Variants in JADE3 observed in about 807,000 individuals in gnomAD.
The protein encoded by JADE3 is jade family PHD finger 3.
A neutral mutation model predicts 50.1 loss-of-function variants in JADE3; 2 were observed. That is an observed-to-expected ratio of 0.04 (90% CI 0.02 to 0.13). The LOEUF (loss-of-function observed/expected upper bound fraction) is 0.13. Ranked by LOEUF, JADE3 falls within the 10% of genes least tolerant of loss-of-function variation. The pLI is 1.00. For synonymous variants in JADE3, 218 were observed against 232.9 expected (o/e 0.94, Z 0.58); for missense variants, 475 against 634.4 (o/e 0.75, Z 2.70).
intron 9 of JADE3, 72 bp from the exon 10 acceptor site, chrX:47,056,010 G>A: frequency 1.5e-6 from 1 of 664,884 alleles, no homozygotes; most frequent in Admixed American, 2.4e-5. Flanking sequence ...CTTTATTTTA[G>A]CCAAACAATT....
chrX:47,023,971 C>A (rs797025343), intron 4 of JADE3, among the ~76,000 whole-genome samples: 2 of 112,381 alleles, frequency 1.8e-5, no homozygotes, highest in African/African-American at 6.5e-5. Flanking sequence ...AAGTGAGTGA[C>A]AGAAAAAAAC....
rs1215285764 is a variant in JADE3, at chrX:47,015,379, C to T, written c.285-9345C>T. Among the ~76,000 whole-genome samples the T allele has an allele frequency of 9.0e-5, 10 of 110,508 alleles. No homozygotes were observed. The South Asian group carries it at 2.3e-3, about 25-fold the overall frequency. On this transcript the variant is annotated intron_variant, in intron 4 of 10. Coordinates refer to ENST00000614628, the MANE Select transcript of JADE3 (RefSeq NM_014735.5). Reference sequence around the variant, plus strand: ...AGTGGATCGCTTGAGATCAGGAGTTCGAGACCAGCCTGGCCAACATGGTAA... The same window carrying T: ...AGTGGATCGCTTGAGATCAGGAGTTTGAGACCAGCCTGGCCAACATGGTAA...
At chrX:47,024,670 C>G in intron 4 of JADE3, 54 bp from the exon 5 acceptor site, 1 of 804,898 alleles carries the variant, frequency 1.2e-6, no homozygotes, top group Admixed American at 2.6e-5. Context: ...CCATTCAGTG[C>G]CTGAAATCTG....
chrX:47,054,784 CTG>C (rs1929601748), intron 9 of JADE3, among the ~76,000 whole-genome samples, 156 bp downstream of exon 9: 1 of 111,538 alleles, frequency 9.0e-6, no homozygotes. Context: ...ACATTGGGCT[CTG>C]TGTAAATTCT....
intron 4 of JADE3, among the ~76,000 whole-genome samples, chrX:47,003,836 A>ATTTATAAATTTATATATATAAATTTATT (rs1556359729): frequency 3.0e-5 from 3 of 101,571 alleles, no homozygotes; most frequent in Non-Finnish European, 3.9e-5. Flanking sequence ...ATTTATATAT[A>ATTTATAAATTTATATATATAAATTTATT]TTTATAAATT....
chrX:47,059,291 G>T lies in JADE3; in HGVS notation c.*214G>T. 2.6e-6 allele frequency: 1 copy of T among 379,055 alleles called. No homozygotes were observed. The highest frequency in any genetic ancestry group is 4.5e-6 in the Non-Finnish European group (1 of 221,603). The allele number at this position is 379,055 out of a possible 1,213,427, so 31.2% of individuals were successfully genotyped here. Reference sequence around the variant, plus strand: ...TTGCAGGTTGTCCAGAGGTTGGTTTGTCAGAGGCTATTGGGAACAGCTGGG... The same window carrying T: ...TTGCAGGTTGTCCAGAGGTTGGTTTTTCAGAGGCTATTGGGAACAGCTGGG... On this transcript the variant is annotated 3_prime_UTR_variant, in exon 11 of 11. Transcript: ENST00000614628.
At chrX:47,001,597 A>C (rs1456212832) in intron 4 of JADE3, among the ~76,000 whole-genome samples, 2 of 111,640 alleles carry the variant, frequency 1.8e-5, no homozygotes, top group Non-Finnish European at 3.8e-5. Flanking sequence ...AGCAACCCTT[A>C]ACTATCATCA....
chrX:46,982,973 C>T (rs1227634259), intron 1 of JADE3, among the ~76,000 whole-genome samples: 2 of 111,461 alleles, frequency 1.8e-5, no homozygotes, highest in Non-Finnish European at 3.8e-5. Context: ...AGATTACAGG[C>T]GCCTGCCACC....
intron 1 of JADE3, among the ~76,000 whole-genome samples, chrX:46,972,062 G>A (rs1351577169): frequency 1.8e-5 from 2 of 111,697 alleles, no homozygotes; most frequent in Admixed American, 9.5e-5. Context: ...GCTAAATCTA[G>A]CTTGTCACTT....
chrX:46,979,961 C>A (rs1188994356), intron 1 of JADE3, among the ~76,000 whole-genome samples: 1 of 101,173 alleles, frequency 9.9e-6, no homozygotes, highest in African/African-American at 3.7e-5. Flanking sequence ...CTCACTGCAA[C>A]CTCCGCCTCC....
chrX:46,977,936 T>G (rs1390687666), intron 1 of JADE3, among the ~76,000 whole-genome samples: 1 of 111,775 alleles, frequency 8.9e-6, no homozygotes, highest in Non-Finnish European at 1.9e-5. Context: ...GGAAAATGGG[T>G]ACAGTATGCT....
At position 47,028,123 on chromosome X, in the gene JADE3, G is replaced by A. The variant is rs782272604; in HGVS notation, c.687+20G>A. The A allele has an allele frequency of 1.2e-5, 13 of 1,094,388 alleles. No homozygotes were observed. The highest frequency in any genetic ancestry group is 3.0e-5 in the East Asian group (1 of 33,217). 90.2% of individuals were successfully genotyped at this position (1,094,388 alleles called of 1,213,427 possible). A position where few individuals can be genotyped will look rare whatever the true frequency, so the allele number is the denominator to read the frequency against. On this transcript the variant is annotated intron_variant, in intron 6 of 10. Coordinates refer to ENST00000614628, the MANE Select transcript of JADE3 (RefSeq NM_014735.5). ...CATCAGGTTAGTGAGAGTGGAGACC[G>A]TCATCTCCCTACGGTCAGCCTTTCT... is the stretch of plus-strand genomic sequence containing the variant.
At position 47,059,081 on chromosome X, in the gene JADE3, G is replaced by A; in HGVS notation, c.*4G>A. 6.0e-6 allele frequency: 7 copies of A among 1,168,017 alleles called. No homozygotes were observed. The highest frequency in any genetic ancestry group is 8.0e-6 in the Non-Finnish European group (7 of 875,180). On this transcript the variant is annotated 3_prime_UTR_variant, in exon 11 of 11. Transcript: ENST00000614628. Reference sequence around the variant, plus strand: ...CCACAGTTCAATGCAAAGGTGATTAGAAACTTCCAAGGATGACCCAACCTT... The same window carrying A: ...CCACAGTTCAATGCAAAGGTGATTAAAAACTTCCAAGGATGACCCAACCTT...
chrX:46,984,916 A>G lies in JADE3; in HGVS notation c.22A>G (p.Ser8Gly), dbSNP rs1556354133. The change falls in exon 2 of 11, where the codon AGC (serine) becomes GGC (glycine). Residue 8 changes from serine (S) to glycine (G), a missense_variant. By Grantham distance (56) the Ser-to-Gly change is moderately conservative. Around this residue, in one of 6 missense-constraint regions of JADE3, gnomAD observed 31 missense variants for 29.3 expected, o/e 1.06. Coordinates refer to ENST00000614628, the MANE Select transcript of JADE3 (RefSeq NM_014735.5). ...CAGGATGAAACGCCATAGGCCTGTCAGCAGCAGTGACAGTTCAGACGAAAG... is the reference window on the plus strand; with the variant it reads ...CAGGATGAAACGCCATAGGCCTGTCGGCAGCAGTGACAGTTCAGACGAAAG... MKRHRPV[S>G]SSDSSDESPS... The G allele has an allele frequency of 5.0e-6, 6 of 1,209,516 alleles. No homozygotes were observed. In the Middle Eastern group the frequency reaches 6.9e-4, roughly 139 times the overall value.
intron 1 of JADE3, among the ~76,000 whole-genome samples, chrX:46,923,394 T>TCTC (rs57847567): frequency 7.3e-4 from 3 of 4,092 alleles, no homozygotes; most frequent in East Asian, 0.01. Flanking sequence ...TCTCTCTCTC[T>TCTC]TTTTTTTTTT....
intron 1 of JADE3, among the ~76,000 whole-genome samples, chrX:46,928,788 T>C (rs180953728): frequency 5.4e-4 from 60 of 110,822 alleles, no homozygotes; most frequent in African/African-American, 1.9e-3. Flanking sequence ...TTTTGTTTTG[T>C]TTTTTGTAGA....
At chrX:47,038,457 T>A (rs977599787) in intron 7 of JADE3, among the ~76,000 whole-genome samples, 6 of 110,433 alleles carry the variant, frequency 5.4e-5, no homozygotes, top group Admixed American at 2.0e-4. Context: ...TGTTTGAGGG[T>A]TCCCTTTTCT....
chrX:46,922,614 C>T (rs1482761323), intron 1 of JADE3, among the ~76,000 whole-genome samples: 1 of 110,133 alleles, frequency 9.1e-6, no homozygotes, highest in Non-Finnish European at 1.9e-5. Flanking sequence ...CTTTCCTTGG[C>T]TATGTCAAGT....
intron 1 of JADE3, among the ~76,000 whole-genome samples, chrX:46,942,104 A>G (rs1926775060): frequency 9.1e-6 from 1 of 110,485 alleles, no homozygotes. Context: ...TTCCTTATAG[A>G]TTCTAGATAT....
Sources: allele counts gnomAD v4.1 joint callset (sites outside exome capture counted in the v4.1 genomes callset), GRCh38; gene constraint gnomAD v4.1.1; regional missense constraint gnomAD v4.1.1; transcripts MANE v1.5; gene names NCBI Gene and HGNC (gene_info 2026-07-23, HGNC 2026-07-21).